The following TFDP2 variants were observed in gnomAD, a reference collection of about 807,000 sequenced individuals.
The protein encoded by TFDP2 is transcription factor Dp-2 (E2F dimerization partner 2).
Under a neutral mutation model 59.3 loss-of-function variants are expected in TFDP2, and 17 were observed. The observed-to-expected ratio is 0.29, with a 90% CI of 0.20 to 0.43. TFDP2 has a LOEUF of 0.43. Among genes scored for constraint, TFDP2 ranks in the 20% least tolerant of loss-of-function variants. The pLI, the probability that TFDP2 is intolerant of heterozygous loss-of-function variation, is 1.00. For missense variants in TFDP2, 391 were observed against 528.8 expected (o/e 0.74, Z 2.56); for synonymous variants, 180 against 194.7 (o/e 0.92, Z 0.63).
At chr3:141,964,955 A>G (rs1937725203) in intron 9 of TFDP2, among the ~76,000 whole-genome samples, 2 of 152,200 alleles carry the variant, frequency 1.3e-5, no homozygotes, top group Admixed American at 6.5e-5. Flanking sequence ...ATTACTCAAA[A>G]GCCAAAGAAA....
At chr3:142,107,578 C>A (rs571415183) in intron 1 of TFDP2, among the ~76,000 whole-genome samples, 1 of 152,038 alleles carries the variant, frequency 6.6e-6, no homozygotes, top group African/African-American at 2.4e-5. Flanking sequence ...CTTTTTCTTA[C>A]GTGAGCAGCA....
At chr3:142,087,503 C>CTT (rs377083897) in intron 3 of TFDP2, among the ~76,000 whole-genome samples, 3 of 142,002 alleles carry the variant, frequency 2.1e-5, no homozygotes, top group African/African-American at 2.6e-5. Flanking sequence ...TACTTCTTTT[C>CTT]TTTTTTTTTT....
chr3:141,992,545 G>T (rs1942885396), intron 6 of TFDP2, among the ~76,000 whole-genome samples: 1 of 152,176 alleles, frequency 6.6e-6, no homozygotes, highest in African/African-American at 2.4e-5. Flanking sequence ...CCTTTCGAAG[G>T]ATAAACACCA....
At chr3:142,027,829 T>TA (rs926604710) in intron 3 of TFDP2, among the ~76,000 whole-genome samples, 18 of 152,152 alleles carry the variant, frequency 1.2e-4, no homozygotes, top group African/African-American at 4.1e-4. Flanking sequence ...TCTTGTATGC[T>TA]ATATTTTCTT....
At chr3:142,072,321 G>A (rs1046399583) in intron 3 of TFDP2, among the ~76,000 whole-genome samples, 2 of 152,152 alleles carry the variant, frequency 1.3e-5, no homozygotes, top group Admixed American at 1.3e-4. Context: ...TCACACATTT[G>A]GCTGGGTGTA....
At chr3:141,973,467 A>C (rs1171526927) in intron 8 of TFDP2, among the ~76,000 whole-genome samples, 2 of 152,188 alleles carry the variant, frequency 1.3e-5, no homozygotes, top group Non-Finnish European at 2.9e-5. Context: ...ATGTCAGGGA[A>C]CATGCTCATT....
intron 3 of TFDP2, among the ~76,000 whole-genome samples, chr3:142,007,500 C>T (rs1198681805): frequency 1.3e-5 from 2 of 152,152 alleles, no homozygotes; most frequent in Non-Finnish European, 2.9e-5. Context: ...GAACTGGTTT[C>T]GTGGAAGACA....
At chr3:142,132,547 C>T (rs1444977675) in intron 1 of TFDP2, among the ~76,000 whole-genome samples, 1 of 149,158 alleles carries the variant, frequency 6.7e-6, no homozygotes, top group Non-Finnish European at 1.5e-5. Flanking sequence ...AGATCAAGAC[C>T]ATCCTGGCTA....
Position 142,022,097 on chromosome 3 carries a change from A to G in TFDP2, c.83-16553T>C, listed in dbSNP as rs530780772. ...TGTATCTTCTGATTAATAATTGAGG[A>G]AGTTTACTGTATGTCCTCAAACAAC... On this transcript the variant is annotated intron_variant, in intron 3 of 12. Transcript: ENST00000489671. 9.2e-5 allele frequency among the ~76,000 whole-genome samples: 14 copies of G among 152,284 alleles called. No individual in the cohort carries two copies. In the South Asian group the frequency reaches 2.7e-3, roughly 29 times the overall value.
rs1464758345 is a variant in TFDP2 at position 141,947,825 on chromosome 3, A to G, written c.*4688T>C. 6.6e-6 allele frequency: 1 copy of G among 152,176 alleles called. No individual in the cohort carries two copies. Among genetic ancestry groups the G allele is most frequent in the Non-Finnish European group, 1.5e-5 (1 of 68,026 alleles). The allele number at this position is 152,176 out of a possible 1,614,324, so 9.4% of individuals were successfully genotyped here. The stretch of plus-strand genomic sequence containing the variant: ...TGGCTTGTTAAGAAAGTATAGAGAC[A>G]TCTGTCTTTCCACCATCTGACTCAG... On this transcript the variant is annotated 3_prime_UTR_variant, in exon 13 of 13. Coordinates refer to ENST00000489671, the MANE Select transcript of TFDP2 (RefSeq NM_001178139.2).
At chr3:141,966,708 G>A (rs1938127339) in intron 9 of TFDP2, among the ~76,000 whole-genome samples, 1 of 151,348 alleles carries the variant, frequency 6.6e-6, no homozygotes, top group Non-Finnish European at 1.5e-5. Flanking sequence ...TTTAAGGGCT[G>A]GAAAGGGCAA....
intron 3 of TFDP2, among the ~76,000 whole-genome samples, chr3:142,075,305 T>C (rs1273205887): frequency 1.3e-5 from 2 of 152,176 alleles, no homozygotes; most frequent in Non-Finnish European, 2.9e-5. Flanking sequence ...AAATGATATA[T>C]CTGAAAAGAG....
At chr3:142,045,539 C>G (rs778332806) in intron 3 of TFDP2, among the ~76,000 whole-genome samples, 5 of 151,532 alleles carry the variant, frequency 3.3e-5, no homozygotes, top group Non-Finnish European at 7.4e-5. Flanking sequence ...AGAAATCTAT[C>G]CAGGTTTGGT....
At chr3:141,968,595 T>G (rs13060654) in intron 9 of TFDP2, among the ~76,000 whole-genome samples, 39 of 104,044 alleles carry the variant, frequency 3.7e-4, no homozygotes, top group South Asian at 5.7e-4. Context: ...CATATATAGA[T>G]ATATATAACA....
intron 1 of TFDP2, among the ~76,000 whole-genome samples, chr3:142,147,624 G>C (rs1294089158): frequency 1.3e-5 from 2 of 152,202 alleles, no homozygotes; most frequent in Non-Finnish European, 2.9e-5. Flanking sequence ...GAACTGAAAA[G>C]TAAGAGTTTA....
intron 4 of TFDP2, chr3:142,000,373 C>T (rs1183373635): frequency 1.4e-6 from 1 of 699,762 alleles, no homozygotes; most frequent in East Asian, 2.7e-5. Context: ...AGAAAGGGTC[C>T]AGGGTGCTCC....
chr3:142,042,630 C>CTTTTTTTTTTTTTTTTTTT (rs66981475), intron 3 of TFDP2, among the ~76,000 whole-genome samples: 18 of 108,204 alleles, frequency 1.7e-4, no homozygotes, highest in Non-Finnish European at 3.0e-4. Flanking sequence ...CTTTTCTTTT[C>CTTTTTTTTTTTTTTTTTTT]TTTTTTTTTT....
chr3:142,115,153 T>C (rs1408245041), intron 1 of TFDP2, among the ~76,000 whole-genome samples: 1 of 152,080 alleles, frequency 6.6e-6, no homozygotes, highest in Non-Finnish European at 1.5e-5. Context: ...ATATATTCTT[T>C]TAAAAACATT....
chr3:142,028,748 G>T, intron 3 of TFDP2: 3 of 983,826 alleles, frequency 3.0e-6, no homozygotes, highest in Non-Finnish European at 3.6e-6. Flanking sequence ...AAACTGTTTA[G>T]TTAACTGGCT....
Sources: gnomAD v4.1 joint callset for allele counts (sites outside exome capture counted in the v4.1 genomes callset) on GRCh38, gnomAD v4.1.1 for gene constraint, MANE v1.5 for transcripts, NCBI Gene and HGNC (gene_info 2026-07-23, HGNC 2026-07-21) for gene names.